MELTF: variants seen among roughly 807,000 people sequenced by gnomAD.
MELTF encodes the protein melanotransferrin.
In MELTF, 67 loss-of-function variants were observed where a neutral mutation model predicts 83.7. That is an observed-to-expected ratio of 0.80 (90% CI 0.66 to 0.98). MELTF has a LOEUF of 0.98. Ranked by LOEUF, MELTF falls within the 50% of genes least tolerant of loss-of-function variation. The pLI is 0.00. For missense variants in MELTF, 1,002 were observed against 1,035.6 expected, an observed-to-expected ratio of 0.97 and a Z score of 0.44; for synonymous variants, 462 against 447.6, an observed-to-expected ratio of 1.03 and a Z score of -0.41.
rs1719178601 is a variant in MELTF, at chr3:197,011,275, A to C, written c.1234-481T>G. On this transcript the variant is annotated intron_variant, in intron 9 of 15. Transcript: ENST00000296350. The surrounding 1 kb of genome is among the most constrained non-coding windows in gnomAD (Gnocchi z 4.2). ...ACGATGGCAGTCTCAGGGCCTGGGG[A>C]GGAGGCTTCAGGGCTGAGGGATGGA... Among the ~76,000 whole-genome samples the C allele has an allele frequency of 6.6e-6, 1 of 152,156 alleles. No individual in the cohort carries two copies. Among genetic ancestry groups the C allele is most frequent in the South Asian group, 2.1e-4 (1 of 4,834 alleles).
In MELTF at chr3:197,008,037, G is replaced by A. The variant is rs540828350; in HGVS notation, c.1750+620C>T. On this transcript the variant is annotated intron_variant, in intron 13 of 15. Coordinates refer to ENST00000296350, the MANE Select transcript of MELTF (RefSeq NM_005929.6). This position sits in a 1 kb window ranked among gnomAD's most constrained non-coding sequence, Gnocchi z 5.4. ...TCAAAACGGACACAGATTCCTTCAC[G>A]GAGAACAAGAAGAAGGGGAAGTGAT... 6.6e-6 allele frequency among the ~76,000 whole-genome samples: 1 copy of A among 152,172 alleles called. No individual in the cohort carries two copies. Among genetic ancestry groups the A allele is most frequent in the Non-Finnish European group, 1.5e-5 (1 of 68,028 alleles).
chr3:197,027,458 G>C (rs1027551853), intron 2 of MELTF, among the ~76,000 whole-genome samples: 2 of 152,222 alleles, frequency 1.3e-5, no homozygotes, highest in Non-Finnish European at 2.9e-5. Flanking sequence ...AACCGCCTGC[G>C]GCCACTGAGG....
intron 3 of MELTF, 89 bp downstream of exon 3, chr3:197,026,571 G>GATA: frequency 8.6e-7 from 1 of 1,168,792 alleles, no homozygotes; most frequent in Non-Finnish European, 1.3e-6. Flanking sequence ...CAGGGCTGAT[G>GATA]GCCAGCTCAG....
rs996064991 is a variant in MELTF, at chr3:197,028,018, A to G, written c.50-108T>C. On this transcript the variant is annotated intron_variant, in intron 1 of 15. Transcript: ENST00000296350. ...TGTGAGCCCATTCGCCTGGACAGCC[A>G]GTCCTCTAGGGCAGCCCTGCCCTCC... 25 of 1,321,196 alleles carry G rather than the reference A, an allele frequency of 1.9e-5. No homozygotes were observed. In the East Asian group the frequency reaches 5.4e-4, roughly 28 times the overall value. 81.8% of individuals were successfully genotyped at this position (1,321,196 alleles called of 1,614,324 possible). A position where few individuals can be genotyped will look rare whatever the true frequency, so the allele number is the denominator to read the frequency against.
rs1253436700 is a variant in MELTF at position 197,002,832 on chromosome 3, A to T, written c.*540T>A. 1 of 151,928 alleles carries T rather than the reference A, an allele frequency of 6.6e-6. No individual in the cohort carries two copies. The highest frequency in any genetic ancestry group is 1.9e-4 in the East Asian group (1 of 5,168). 9.4% of individuals were successfully genotyped at this position (151,928 alleles called of 1,614,324 possible). ...GGAGGAACTGGAGCCCCCACCCCGG[A>T]CACGGTCCCGCGGGCGAAGGCTTCT... On this transcript the variant is annotated 3_prime_UTR_variant, in exon 16 of 16. Transcript: ENST00000296350.
chr3:197,009,914 C>T, intron 10 of MELTF, 102 bp from the exon 11 acceptor site: 2 of 1,107,446 alleles, frequency 1.8e-6, no homozygotes, highest in Non-Finnish European at 2.6e-6. Flanking sequence ...GTCTCTTTGC[C>T]TGAGCTATGC....
chr3:197,004,305 G>A, intron 14 of MELTF: 1 of 597,668 alleles, frequency 1.7e-6, no homozygotes, highest in Non-Finnish European at 3.0e-6. Context: ...AGGCCCGCAG[G>A]TGCCACTGGA....
At chr3:197,028,046 C>G in intron 1 of MELTF, 136 bp from the exon 2 acceptor site, 17 of 980,916 alleles carry the variant, frequency 1.7e-5, no homozygotes, top group Non-Finnish European at 2.4e-5. Context: ...TGCCCTCCCA[C>G]AGGGAGGCAC....
chr3:197,006,404 G>T lies in MELTF; in HGVS notation c.1938+145C>A. 1 of 682,470 alleles carries T rather than the reference G, an allele frequency of 1.5e-6. No individual in the cohort carries two copies. Among genetic ancestry groups the T allele is most frequent in the South Asian group, 2.1e-5 (1 of 47,538 alleles). The allele number at this position is 682,470 out of a possible 1,614,324, so 42.3% of individuals were successfully genotyped here. A position where few individuals can be genotyped will look rare whatever the true frequency, so the allele number is the denominator to read the frequency against. The stretch of plus-strand genomic sequence containing the variant: ...CAGAGGGGACAGTTTCTGGAGGGAT[G>T]TCCTTGCGTAAGTGAAAATCACAGA... On this transcript the variant is annotated intron_variant, in intron 14 of 15. Coordinates refer to ENST00000296350, the MANE Select transcript of MELTF (RefSeq NM_005929.6). The surrounding 1 kb of genome is among the most constrained non-coding windows in gnomAD (Gnocchi z 5.4).
intron 2 of MELTF, 23 bp from the exon 3 acceptor site, chr3:197,026,782 C>T (rs1164384130): frequency 1.9e-6 from 3 of 1,604,798 alleles, no homozygotes; most frequent in Non-Finnish European, 2.6e-6. Context: ...GTGGCTCAGC[C>T]AAGCCTGGCC....
In MELTF at chr3:197,011,573, C is replaced by T. The variant is rs555315523; in HGVS notation, c.1234-779G>A. On this transcript the variant is annotated intron_variant, in intron 9 of 15. Transcript: ENST00000296350. The surrounding 1 kb of genome is among the most constrained non-coding windows in gnomAD (Gnocchi z 4.2). ...TTCCTGAAGAGGCATGAAGTGATGG[C>T]GGTTAATAACAGGCAGCGGCGTTGA... 1.3e-5 allele frequency among the ~76,000 whole-genome samples: 2 copies of T among 152,288 alleles called. No homozygotes were observed. The highest frequency in any genetic ancestry group is 2.1e-4 in the South Asian group (1 of 4,830).
In MELTF at chr3:197,019,647, T is replaced by C; in HGVS notation, c.712+1757A>G. On this transcript the variant is annotated intron_variant, in intron 6 of 15. Coordinates refer to ENST00000296350, the MANE Select transcript of MELTF (RefSeq NM_005929.6). Reference sequence around the variant, plus strand: ...TACTCTTTGCCCGTTTTCCAAATTCTCCTTTGTCAGACTCGTCCTGGGGCC... The same window carrying C: ...TACTCTTTGCCCGTTTTCCAAATTCCCCTTTGTCAGACTCGTCCTGGGGCC... The C allele has an allele frequency of 3.1e-6, 5 of 1,612,408 alleles. No homozygotes were observed. In the South Asian group the frequency reaches 5.5e-5, roughly 18 times the overall value.
At chr3:197,018,016 A>G (rs1719469091) in intron 6 of MELTF, among the ~76,000 whole-genome samples, 1 of 152,214 alleles carries the variant, frequency 6.6e-6, no homozygotes, top group African/African-American at 2.4e-5. Context: ...CACGGTGGAA[A>G]CAAACCCCGA....
chr3:197,015,311 A>T, intron 9 of MELTF, 54 bp downstream of exon 9: 1 of 1,517,728 alleles, frequency 6.6e-7, no homozygotes, highest in Non-Finnish European at 8.9e-7. Context: ...AGAACTGCCC[A>T]GGCACTGCCA....
At chr3:197,015,316 C>T (rs772796327) in intron 9 of MELTF, 49 bp downstream of exon 9, 39 of 1,524,250 alleles carry the variant, frequency 2.6e-5, no homozygotes, top group Non-Finnish European at 3.3e-5. Context: ...TGCCCAGGCA[C>T]TGCCACCACC....
intron 5 of MELTF, 150 bp from the exon 6 acceptor site, chr3:197,021,621 C>G: frequency 1.4e-6 from 1 of 690,944 alleles, no homozygotes; most frequent in East Asian, 2.7e-5. Flanking sequence ...CCTGGCTGGT[C>G]GGCTGTGTGC....
At chr3:197,017,551 T>TA (rs1255508717) in intron 6 of MELTF, among the ~76,000 whole-genome samples, 1 of 152,206 alleles carries the variant, frequency 6.6e-6, no homozygotes, top group African/African-American at 2.4e-5. Context: ...ACAATACTTA[T>TA]AAATAACTAT....
chr3:197,023,376 G>A (rs888985969), intron 4 of MELTF, among the ~76,000 whole-genome samples: 3 of 152,224 alleles, frequency 2.0e-5, no homozygotes, highest in Admixed American at 1.3e-4. Flanking sequence ...AAATGACCAC[G>A]TGGGATAACT....
At position 197,015,435 on chromosome 3, in the gene MELTF, C is replaced by G; in HGVS notation, c.1163G>C (p.Arg388Pro). The G allele has an allele frequency of 6.2e-7, 1 of 1,603,288 alleles. No individual in the cohort carries two copies. Among genetic ancestry groups the G allele is most frequent in the Non-Finnish European group, 8.5e-7 (1 of 1,175,572 alleles). ...CTGGATCTCTGGCTTGAGCCGCTGC[C>G]GGCGGAAGGCCACGGCCATGTCTCC... ...KCGDMAVAFR[R>P]QRLKPEIQCV... is the part of the protein sequence containing the mutation. The change falls in exon 9 of 16, where the codon CGG becomes CCG. Residue 388 changes from arginine to proline, a missense_variant. By Grantham distance (103) the Arg-to-Pro change is moderately radical. Coordinates refer to ENST00000296350, the MANE Select transcript of MELTF (RefSeq NM_005929.6).
Sources: allele counts gnomAD v4.1 joint callset (sites outside exome capture counted in the v4.1 genomes callset), GRCh38; gene constraint gnomAD v4.1.1; non-coding constraint Gnocchi (gnomAD v3.1); transcripts MANE v1.5; gene names NCBI Gene and HGNC (gene_info 2026-07-23, HGNC 2026-07-21).